GALNTL6: variants seen among roughly 807,000 people sequenced by gnomAD.
The protein encoded by GALNTL6 is polypeptide N-acetylgalactosaminyltransferase like 6, also known as polypeptide N-acetylgalactosaminyltransferase-like 6.
Under a neutral mutation model 73.7 loss-of-function variants are expected in GALNTL6, and 46 were observed. That is an observed-to-expected ratio of 0.62 (90% CI 0.49 to 0.80). The LOEUF is 0.80. Among genes scored for constraint, GALNTL6 ranks in the 30% least tolerant of loss-of-function variants. GALNTL6 has a pLI of 0.00. For missense variants in GALNTL6, 604 were observed against 755.0 expected, an observed-to-expected ratio of 0.80 and a Z score of 2.34; for synonymous variants, 259 against 263.7, an observed-to-expected ratio of 0.98 and a Z score of 0.17.
chr4:172,796,890 A>G (rs1463653404), intron 5 of GALNTL6, among the ~76,000 whole-genome samples: 1 of 152,146 alleles, frequency 6.6e-6, no homozygotes, highest in East Asian at 1.9e-4. Flanking sequence ...TCTCATAGTA[A>G]CTGTTTAGAG....
At chr4:172,785,140 G>A (rs1739583176) in intron 5 of GALNTL6, among the ~76,000 whole-genome samples, 1 of 152,082 alleles carries the variant, frequency 6.6e-6, no homozygotes, top group Admixed American at 6.6e-5. Flanking sequence ...CTATATGAAA[G>A]ACAGAAATTG....
chr4:172,909,685 TA>T (rs1188261173), intron 8 of GALNTL6, among the ~76,000 whole-genome samples: 1 of 152,138 alleles, frequency 6.6e-6, no homozygotes, highest in Non-Finnish European at 1.5e-5. Context: ...TCACTGTAGT[TA>T]AAAGTGGTAC....
chr4:172,307,695 A>G (rs1050506456), intron 3 of GALNTL6, among the ~76,000 whole-genome samples: 2 of 152,086 alleles, frequency 1.3e-5, no homozygotes, highest in African/African-American at 4.8e-5. Flanking sequence ...TGGGCTCTCA[A>G]TTCTGTTCCA....
intron 2 of GALNTL6, among the ~76,000 whole-genome samples, chr4:172,155,083 C>T (rs979100162): frequency 2.6e-5 from 4 of 151,112 alleles, no homozygotes; most frequent in Non-Finnish European, 3.0e-5. Context: ...CTGCAACCTC[C>T]GCCTCCTAGG....
chr4:171,842,896 A>G (rs1009995247), intron 2 of GALNTL6, among the ~76,000 whole-genome samples: 2 of 152,000 alleles, frequency 1.3e-5, no homozygotes, highest in African/African-American at 4.8e-5. Flanking sequence ...TTTCCACTCA[A>G]ATTCATGCCA....
intron 9 of GALNTL6, among the ~76,000 whole-genome samples, chr4:172,947,890 T>C (rs1749250766): frequency 6.6e-6 from 1 of 152,240 alleles, no homozygotes; most frequent in African/African-American, 2.4e-5. Flanking sequence ...GGTCAATTTA[T>C]TGTACAGTCT....
chr4:172,231,316 C>T (rs1737064847), intron 3 of GALNTL6, among the ~76,000 whole-genome samples: 1 of 152,060 alleles, frequency 6.6e-6, no homozygotes, highest in Non-Finnish European at 1.5e-5. Context: ...TAAAATAGCC[C>T]AAATTTACTG....
At chr4:172,180,879 G>C (rs565178646) in intron 2 of GALNTL6, among the ~76,000 whole-genome samples, 1 of 152,160 alleles carries the variant, frequency 6.6e-6, no homozygotes, top group Non-Finnish European at 1.5e-5. Context: ...AAGTCAGATA[G>C]TGTGATGCCT....
chr4:173,008,990 A>T (rs1752420631), intron 10 of GALNTL6, among the ~76,000 whole-genome samples, 188 bp from the exon 11 acceptor site: 1 of 152,224 alleles, frequency 6.6e-6, no homozygotes, highest in African/African-American at 2.4e-5. Context: ...GCCTGTGAAG[A>T]TGGCTTCAAT....
intron 11 of GALNTL6, 43 bp from the exon 12 acceptor site, chr4:173,021,433 A>G: frequency 1.1e-5 from 17 of 1,609,494 alleles, no homozygotes; most frequent in Non-Finnish European, 1.4e-5. Flanking sequence ...CTTCTCTCCA[A>G]AACAAACTCA....
At chr4:171,814,794 G>A (rs762205388) in intron 2 of GALNTL6, 76 bp downstream of exon 2, 3 of 1,472,646 alleles carry the variant, frequency 2.0e-6, no homozygotes, top group East Asian at 4.5e-5. Flanking sequence ...GAGAAAGCCG[G>A]TGTGGGATCG....
chr4:172,840,794 A>G (rs1360555170), intron 7 of GALNTL6, among the ~76,000 whole-genome samples: 1 of 152,142 alleles, frequency 6.6e-6, no homozygotes, highest in African/African-American at 2.4e-5. Flanking sequence ...TCCTTCAATC[A>G]GGACTTGCTA....
At chr4:172,119,219 A>G (rs1225022256) in intron 2 of GALNTL6, among the ~76,000 whole-genome samples, 2 of 152,198 alleles carry the variant, frequency 1.3e-5, no homozygotes, top group African/African-American at 2.4e-5. Context: ...TTCATGGCTC[A>G]TATCAGTTTA....
chr4:172,240,592 G>A (rs1026259283), intron 3 of GALNTL6, among the ~76,000 whole-genome samples: 8 of 151,990 alleles, frequency 5.3e-5, no homozygotes, highest in Non-Finnish European at 1.0e-4. Flanking sequence ...TAGTTCAGAG[G>A]ACCAGTCTTA....
At chr4:172,801,975 G>A (rs533305208) in intron 5 of GALNTL6, among the ~76,000 whole-genome samples, 1 of 152,116 alleles carries the variant, frequency 6.6e-6, no homozygotes, top group East Asian at 1.9e-4. Context: ...CCACTGAATT[G>A]GTTGCCATGT....
intron 3 of GALNTL6, among the ~76,000 whole-genome samples, chr4:172,261,398 C>T (rs1475911266): frequency 2.6e-5 from 4 of 151,170 alleles, no homozygotes; most frequent in Admixed American, 2.0e-4. Flanking sequence ...CATGTAAAGG[C>T]GTTCACAGTA....
intron 2 of GALNTL6, among the ~76,000 whole-genome samples, chr4:171,852,424 T>A (rs1735547403): frequency 6.6e-6 from 1 of 152,058 alleles, no homozygotes; most frequent in Non-Finnish European, 1.5e-5. Context: ...TATATATAGA[T>A]GTTGGAAATA....
At chr4:172,023,442 A>G (rs1427974772) in intron 2 of GALNTL6, among the ~76,000 whole-genome samples, 1 of 151,940 alleles carries the variant, frequency 6.6e-6, no homozygotes, top group South Asian at 2.1e-4. Flanking sequence ...ATCTTTTCGT[A>G]AGTCAAACAA....
chr4:172,653,045 C>G (rs1433575370), intron 5 of GALNTL6, among the ~76,000 whole-genome samples: 1 of 151,922 alleles, frequency 6.6e-6, no homozygotes. Flanking sequence ...CTGAAACTAC[C>G]TGCTCATCAA....
Sources: gnomAD v4.1 joint callset for allele counts (sites outside exome capture counted in the v4.1 genomes callset) on GRCh38, gnomAD v4.1.1 for gene constraint, MANE v1.5 for transcripts, NCBI Gene and HGNC (gene_info 2026-07-23, HGNC 2026-07-21) for gene names.